Variants in C1QTNF3 observed in about 807,000 individuals in gnomAD.
C1QTNF3 encodes C1q and TNF related 3, also known as complement C1q tumor necrosis factor-related protein 3.
In C1QTNF3, 26 loss-of-function variants were observed where a neutral mutation model predicts 32.6. That is an observed-to-expected ratio of 0.80 (90% confidence interval 0.58 to 1.11). The LOEUF is 1.11. Among genes scored for constraint, C1QTNF3 ranks in the 50% least tolerant of loss-of-function variants. C1QTNF3 has a pLI of 0.00. For synonymous variants in C1QTNF3, 155 were observed against 146.0 expected (o/e 1.06, Z -0.44); for missense variants, 362 against 398.2 (o/e 0.91, Z 0.77).
chr5:34,086,984 T>G, the C1QTNF3 span, among the ~76,000 whole-genome samples: 1 of 152,078 alleles, frequency 6.6e-6, no homozygotes, highest in East Asian at 1.9e-4. Flanking sequence ...ATGAAGATAT[T>G]TTAATGCAAT....
chr5:34,069,148 A>C, the C1QTNF3 span, among the ~76,000 whole-genome samples: 2 of 145,622 alleles, frequency 1.4e-5, no homozygotes, highest in East Asian at 2.0e-4. Context: ...CCACTGGAGA[A>C]AGCTTCAATT....
the C1QTNF3 span, among the ~76,000 whole-genome samples, chr5:34,139,060 T>G: frequency 6.6e-6 from 1 of 152,072 alleles, no homozygotes; most frequent in East Asian, 1.9e-4. Flanking sequence ...TGATGAAGCT[T>G]AGACATATTG....
At chr5:34,219,259 G>C in the C1QTNF3 span, among the ~76,000 whole-genome samples, 1 of 151,824 alleles carries the variant, frequency 6.6e-6, no homozygotes, top group Non-Finnish European at 1.5e-5. Context: ...ATTATCTTTA[G>C]ATATATGTGC....
the C1QTNF3 span, among the ~76,000 whole-genome samples, chr5:34,131,589 G>A: frequency 6.6e-6 from 1 of 152,168 alleles, no homozygotes; most frequent in Non-Finnish European, 1.5e-5. Context: ...TGATCTCAGA[G>A]GAGGAAAAAT....
At chr5:34,035,047 C>T (rs1344775264) in intron 2 of C1QTNF3, among the ~76,000 whole-genome samples, 1 of 152,100 alleles carries the variant, frequency 6.6e-6, no homozygotes, top group Non-Finnish European at 1.5e-5. Context: ...GGCTTGGGAG[C>T]CCCATATTGA....
chr5:34,033,242 C>A, intron 3 of C1QTNF3, 62 bp downstream of exon 3: 1 of 1,571,768 alleles, frequency 6.4e-7, no homozygotes. Context: ...CATCCTGATT[C>A]CTGGCCCCTT....
At chr5:34,080,531 C>T in the C1QTNF3 span, among the ~76,000 whole-genome samples, 2 of 151,632 alleles carry the variant, frequency 1.3e-5, no homozygotes, top group Non-Finnish European at 2.9e-5. Flanking sequence ...TGCTACAATA[C>T]CTCTAAAGTT....
the C1QTNF3 span, among the ~76,000 whole-genome samples, chr5:34,155,042 C>T: frequency 6.6e-6 from 1 of 152,118 alleles, no homozygotes; most frequent in Non-Finnish European, 1.5e-5. Context: ...ACTATTTTCA[C>T]CTACCTACCG....
At chr5:34,184,715 C>CAAAAAAAAAAAA in the C1QTNF3 span, among the ~76,000 whole-genome samples, 1 of 129,558 alleles carries the variant, frequency 7.7e-6, no homozygotes, top group African/African-American at 2.8e-5. Flanking sequence ...GACTCTGTCT[C>CAAAAAAAAAAAA]AAAAAAAAAA....
At chr5:34,215,832 T>C in the C1QTNF3 span, among the ~76,000 whole-genome samples, 1 of 152,184 alleles carries the variant, frequency 6.6e-6, no homozygotes, top group Non-Finnish European at 1.5e-5. Flanking sequence ...GGGATCTCAC[T>C]ATGTTGACCA....
the C1QTNF3 span, among the ~76,000 whole-genome samples, chr5:34,230,317 C>T: frequency 6.6e-6 from 1 of 151,948 alleles, no homozygotes; most frequent in African/African-American, 2.4e-5. Context: ...AACCTCTAAC[C>T]TGGAATACTG....
At chr5:34,206,480 AG>A in the C1QTNF3 span, among the ~76,000 whole-genome samples, 121 of 145,112 alleles carry the variant, frequency 8.3e-4, 1 homozygote, top group Middle Eastern at 0.011. Context: ...AGTTTATGTT[AG>A]AGTCTGCACA....
the C1QTNF3 span, among the ~76,000 whole-genome samples, chr5:34,122,569 GT>G: frequency 6.6e-6 from 1 of 152,194 alleles, no homozygotes. Flanking sequence ...CCTGCTGATA[GT>G]AAAATATGCA....
intron 4 of C1QTNF3, among the ~76,000 whole-genome samples, chr5:34,026,219 G>C (rs1381592411): frequency 6.6e-6 from 1 of 152,226 alleles, no homozygotes; most frequent in East Asian, 1.9e-4. Flanking sequence ...ACAGAGTCAT[G>C]TGGAGATAAC....
At chr5:34,195,463 A>T in the C1QTNF3 span, among the ~76,000 whole-genome samples, 7 of 150,510 alleles carry the variant, frequency 4.7e-5, no homozygotes, top group Admixed American at 6.6e-5. Flanking sequence ...TTGGAGAGAA[A>T]GAAACCTATC....
chr5:34,154,741 G>C, the C1QTNF3 span, among the ~76,000 whole-genome samples: 3 of 152,144 alleles, frequency 2.0e-5, no homozygotes, highest in African/African-American at 7.2e-5. Flanking sequence ...ATGATAAAGA[G>C]AGAGAGAGCT....
upstream of C1QTNF3, chr5:34,043,907 T>A (rs1202252914): frequency 1.2e-4 from 18 of 152,236 alleles, no homozygotes; most frequent in African/African-American, 3.9e-4. Context: ...GAGAAGGCTG[T>A]CTCTGGCTCC....
At chr5:34,024,277 T>G in intron 4 of C1QTNF3, 1 of 364,930 alleles carries the variant, frequency 2.7e-6, no homozygotes, top group Non-Finnish European at 5.2e-6. Flanking sequence ...CTCACTGCCT[T>G]GTACCCTGAC....
At chr5:34,054,563 C>G in the C1QTNF3 span, among the ~76,000 whole-genome samples, 2,941 of 152,288 alleles carry the variant, frequency 0.019, 58 homozygotes, top group Non-Finnish European at 0.022. Flanking sequence ...AATGGCAGCC[C>G]ACAGGCCATA....
Sources: gnomAD v4.1 joint callset for allele counts (sites outside exome capture counted in the v4.1 genomes callset) on GRCh38, gnomAD v4.1.1 for gene constraint, MANE v1.5 for transcripts, NCBI Gene and HGNC (gene_info 2026-07-23, HGNC 2026-07-21) for gene names.